Variants in DYRK1A observed in about 807,000 individuals in gnomAD.
DYRK1A encodes dual specificity tyrosine-phosphorylation-regulated kinase 1A.
In DYRK1A, 9 loss-of-function variants were observed where a neutral mutation model predicts 79.7. The ratio of observed to expected loss-of-function variants is 0.11; its 90% confidence interval spans 0.07 to 0.20. The LOEUF (loss-of-function observed/expected upper bound fraction) is 0.20, where lower values mean the gene tolerates loss of function less well. Among genes scored for constraint, DYRK1A ranks in the 10% least tolerant of loss-of-function variants. The pLI is 1.00. For synonymous variants in DYRK1A, 349 were observed against 329.7 expected, an observed-to-expected ratio of 1.06 and a Z score of -0.63; for missense variants, 622 against 956.0, an observed-to-expected ratio of 0.65 and a Z score of 4.61.
Position 37,490,511 on chromosome 21 carries a change from A to G in DYRK1A, c.924+50A>G, listed in dbSNP as rs776164873. ...AATTAAATAGAAATTAAATAGAAGT[A>G]GGTAGGACAGTGTAGGTATTAGGTT... On this transcript the variant is annotated intron_variant, in intron 7 of 11. Transcript: ENST00000647188. The G allele has an allele frequency of 1.9e-5, 29 of 1,546,084 alleles. No homozygotes were observed. In the South Asian group the frequency reaches 3.4e-4, roughly 18 times the overall value.
At chr21:37,368,485 G>A (rs2049363230) in intron 1 of DYRK1A, among the ~76,000 whole-genome samples, 1 of 152,114 alleles carries the variant, frequency 6.6e-6, no homozygotes. Flanking sequence ...TGTGCCTTTC[G>A]CCCAACCCTA....
intron 3 of DYRK1A, among the ~76,000 whole-genome samples, chr21:37,474,833 T>C (rs1414710161): frequency 6.6e-6 from 1 of 152,190 alleles, no homozygotes; most frequent in African/African-American, 2.4e-5. Context: ...CTATTCTAGT[T>C]TTCACAATAT....
chr21:37,451,736 A>T (rs182653428), intron 2 of DYRK1A, among the ~76,000 whole-genome samples: 1 of 152,296 alleles, frequency 6.6e-6, no homozygotes, highest in East Asian at 1.9e-4. Flanking sequence ...ACAACCATGA[A>T]ATCGCCTGAC....
At chr21:37,432,656 G>A (rs2050807938) in intron 2 of DYRK1A, among the ~76,000 whole-genome samples, 1 of 152,136 alleles carries the variant, frequency 6.6e-6, no homozygotes, top group Non-Finnish European at 1.5e-5. Flanking sequence ...TTTGTCATTT[G>A]AGATGATCTT....
In DYRK1A at chr21:37,480,820, T is replaced by G. The variant is rs1320847525; in HGVS notation, c.483T>G (p.Phe161Leu). 1 of 1,588,006 alleles carries G rather than the reference T, an allele frequency of 6.3e-7. No individual in the cohort carries two copies. The highest frequency in any genetic ancestry group is 1.9e-5 in the Admixed American group (1 of 53,786). ...EIDSLIGKGS[F>L]GQVVKAYDRV... ...ACTCCTTGATAGGCAAAGGTTCCTTTGGACAGGTAATTTAATGGAAAATGC... is the reference window on the plus strand; with the variant it reads ...ACTCCTTGATAGGCAAAGGTTCCTTGGGACAGGTAATTTAATGGAAAATGC... Residue 161 changes from phenylalanine (F) to leucine (L), a missense_variant, in exon 5 of 12, where the codon TTT (phenylalanine) becomes TTG (leucine). Around this residue, in one of 5 missense-constraint regions of DYRK1A, gnomAD observed 138 missense variants for 346.4 expected, o/e 0.40. Coordinates refer to ENST00000647188, the MANE Select transcript of DYRK1A (RefSeq NM_001347721.2).
chr21:37,440,572 A>T (rs944538332), intron 2 of DYRK1A, among the ~76,000 whole-genome samples: 3 of 152,020 alleles, frequency 2.0e-5, no homozygotes, highest in African/African-American at 7.3e-5. Flanking sequence ...AAAAATTTTG[A>T]TATATTTTAT....
intron 9 of DYRK1A, among the ~76,000 whole-genome samples, chr21:37,497,513 G>C (rs750656184): frequency 3.2e-4 from 49 of 152,234 alleles, no homozygotes; most frequent in Non-Finnish European, 4.7e-4. Context: ...ATCCTTACTA[G>C]CTTCACCAGC....
At chr21:37,415,830 A>G (rs542248077) in intron 1 of DYRK1A, among the ~76,000 whole-genome samples, 2 of 152,258 alleles carry the variant, frequency 1.3e-5, no homozygotes, top group East Asian at 3.9e-4. Context: ...AAATTTTTCT[A>G]CTAGATGAAC....
At chr21:37,483,040 CACAG>C (rs1438214852) in intron 5 of DYRK1A, among the ~76,000 whole-genome samples, 1 of 152,126 alleles carries the variant, frequency 6.6e-6, no homozygotes, top group Non-Finnish European at 1.5e-5. Flanking sequence ...ATGCAATCAT[CACAG>C]GGTCCTGAGG....
rs1215711019 is a variant in DYRK1A, at chr21:37,521,188, C to T, written c.*8657C>T. The T allele has an allele frequency of 1.3e-5, 2 of 152,172 alleles. No individual in the cohort carries two copies. Among genetic ancestry groups the T allele is most frequent in the Non-Finnish European group, 2.9e-5 (2 of 68,046 alleles). 9.4% of individuals were successfully genotyped at this position (152,172 alleles called of 1,614,324 possible). ...TTTGTTTGCGTATTAGAGTTCTGAC[C>T]ATCTTCACTAGAAGTGGGGGCGGCT... On this transcript the variant is annotated 3_prime_UTR_variant, in exon 12 of 12. Coordinates refer to ENST00000647188, the MANE Select transcript of DYRK1A (RefSeq NM_001347721.2).
Position 37,513,496 on chromosome 21 carries a change from ATAGACTTTTGTGACCCACTAATTG to A in DYRK1A, c.*968_*991del, listed in dbSNP as rs1569409293. ...TAATTCAAGAGGCCTTTCTTTTAAA[ATAGACTTTTGTGACCCACTAATTG>A]TAAGGTATTGCAAGGTCACTTTGCG... On this transcript the variant is annotated 3_prime_UTR_variant, in exon 12 of 12. Transcript: ENST00000647188. The A allele has an allele frequency of 1.3e-5, 2 of 152,660 alleles. No homozygotes were observed. The highest frequency in any genetic ancestry group is 1.5e-5 in the Non-Finnish European group (1 of 68,038). 9.5% of individuals were successfully genotyped at this position (152,660 alleles called of 1,614,324 possible).
chr21:37,432,728 C>T (rs1347678639), intron 2 of DYRK1A, among the ~76,000 whole-genome samples: 1 of 151,864 alleles, frequency 6.6e-6, no homozygotes, highest in Non-Finnish European at 1.5e-5. Context: ...AGGCTGTTTC[C>T]GTGTCTCAAG....
At chr21:37,394,862 C>T (rs1457558582) in intron 1 of DYRK1A, among the ~76,000 whole-genome samples, 1 of 152,224 alleles carries the variant, frequency 6.6e-6, no homozygotes. Flanking sequence ...TGAATATGTA[C>T]TTGTGAAATC....
chr21:37,377,437 A>T (rs762591845), intron 1 of DYRK1A, among the ~76,000 whole-genome samples: 1 of 151,482 alleles, frequency 6.6e-6, no homozygotes, highest in African/African-American at 2.4e-5. Flanking sequence ...TACTTGACCT[A>T]TGTTAGAAAT....
At chr21:37,455,374 T>G (rs1035259142) in intron 2 of DYRK1A, among the ~76,000 whole-genome samples, 3 of 152,348 alleles carry the variant, frequency 2.0e-5, no homozygotes, top group Middle Eastern at 3.4e-3. Flanking sequence ...GTCATATGTT[T>G]AATAAGATGG....
At chr21:37,370,005 AT>A (rs923942583) in intron 1 of DYRK1A, among the ~76,000 whole-genome samples, 4 of 152,000 alleles carry the variant, frequency 2.6e-5, no homozygotes, top group South Asian at 2.1e-4. Flanking sequence ...CATTTGTTAA[AT>A]TTTTTTTCCC....
intron 2 of DYRK1A, among the ~76,000 whole-genome samples, chr21:37,452,146 T>G (rs1212568237): frequency 6.6e-6 from 1 of 151,946 alleles, no homozygotes; most frequent in Non-Finnish European, 1.5e-5. Flanking sequence ...TTGAGCTTTT[T>G]TTTTTTTTGG....
chr21:37,375,561 T>C (rs1263532389), intron 1 of DYRK1A, among the ~76,000 whole-genome samples: 1 of 148,888 alleles, frequency 6.7e-6, no homozygotes, highest in South Asian at 2.2e-4. Flanking sequence ...GTTTCACTTT[T>C]GTCACCCAGG....
chr21:37,483,230 G>T (rs1215961112), intron 5 of DYRK1A, among the ~76,000 whole-genome samples: 1 of 152,124 alleles, frequency 6.6e-6, no homozygotes, highest in Admixed American at 6.5e-5. Context: ...ATTAATTTGG[G>T]GAACTAATAA....
Sources: gnomAD v4.1 joint callset for allele counts (sites outside exome capture counted in the v4.1 genomes callset) on GRCh38, gnomAD v4.1.1 for gene constraint, gnomAD v4.1.1 regional missense constraint, MANE v1.5 for transcripts, NCBI Gene and HGNC (gene_info 2026-07-23, HGNC 2026-07-21) for gene names.